HIVEP3: variants seen among roughly 807,000 people sequenced by gnomAD.
HIVEP3 encodes transcription factor HIVEP3.
In HIVEP3, 49 loss-of-function variants were observed where a neutral mutation model predicts 152.8. That is an observed-to-expected ratio of 0.32 (90% CI 0.26 to 0.41). The LOEUF (loss-of-function observed/expected upper bound fraction) is 0.41. Among genes scored for constraint, HIVEP3 ranks in the 10% least tolerant of loss-of-function variants. HIVEP3 has a pLI of 1.00. For synonymous variants in HIVEP3, 1,269 were observed against 1,289.0 expected (o/e 0.98, Z 0.33); for missense variants, 2,790 against 3,103.3 (o/e 0.90, Z 2.40).
intron 1 of HIVEP3, among the ~76,000 whole-genome samples, chr1:41,708,096 C>T (rs991737717): frequency 1.3e-5 from 2 of 152,110 alleles, no homozygotes; most frequent in African/African-American, 4.8e-5. Flanking sequence ...GCACAGGGAG[C>T]CTCTAGAAGG....
chr1:41,598,992 C>A (rs1260345251), intron 3 of HIVEP3, among the ~76,000 whole-genome samples: 2 of 151,712 alleles, frequency 1.3e-5, no homozygotes, highest in Non-Finnish European at 2.9e-5. Flanking sequence ...ATTTTTATAT[C>A]TTTTTTTAGA....
intron 1 of HIVEP3, among the ~76,000 whole-genome samples, chr1:41,758,453 G>A (rs926519900): frequency 9.2e-5 from 14 of 152,182 alleles, no homozygotes; most frequent in South Asian, 6.2e-4. Flanking sequence ...AGCCTTCCAC[G>A]CTTCAATGGA....
intron 1 of HIVEP3, among the ~76,000 whole-genome samples, chr1:41,860,568 C>A (rs1214809198): frequency 6.6e-6 from 1 of 152,182 alleles, no homozygotes; most frequent in Admixed American, 6.5e-5. Flanking sequence ...CACCTGGAGC[C>A]AGATAGCTCT....
chr1:41,802,481 G>C (rs1650365387), intron 1 of HIVEP3, among the ~76,000 whole-genome samples: 1 of 152,178 alleles, frequency 6.6e-6, no homozygotes, highest in Non-Finnish European at 1.5e-5. Flanking sequence ...CTCCTAAAAT[G>C]CTGGGATTAC....
chr1:41,777,835 T>G (rs1346022105), intron 1 of HIVEP3, among the ~76,000 whole-genome samples: 1 of 152,242 alleles, frequency 6.6e-6, no homozygotes, highest in East Asian at 1.9e-4. Flanking sequence ...CTCCTTGCCC[T>G]CTGGGAAGAG....
rs1237781011 is a variant in HIVEP3, at chr1:41,548,492, G to A, written c.5208-23582C>T. 2.6e-5 allele frequency among the ~76,000 whole-genome samples: 4 copies of A among 151,866 alleles called. No homozygotes were observed. In the East Asian group the frequency reaches 7.7e-4, roughly 29 times the overall value. Reference sequence around the variant, plus strand: ...TTTAAGCAACTCTTTTTAAAATTGTGGTAACAAATACACAACCTAAAATGT... The same window carrying A: ...TTTAAGCAACTCTTTTTAAAATTGTAGTAACAAATACACAACCTAAAATGT... On this transcript the variant is annotated intron_variant, in intron 5 of 8. Coordinates refer to ENST00000372583, the MANE Select transcript of HIVEP3 (RefSeq NM_024503.5).
At chr1:41,641,741 A>C (rs776217898) in intron 2 of HIVEP3, among the ~76,000 whole-genome samples, 2 of 152,232 alleles carry the variant, frequency 1.3e-5, no homozygotes, top group South Asian at 4.1e-4. Context: ...CTACGGCAAG[A>C]GGACCTGCAG....
At position 41,581,305 on chromosome 1, in the gene HIVEP3, T is replaced by C; in HGVS notation, c.3493A>G (p.Thr1165Ala). 6.2e-7 allele frequency: 1 copy of C among 1,612,504 alleles called. No individual in the cohort carries two copies. Among genetic ancestry groups the C allele is most frequent in the Non-Finnish European group, 8.5e-7 (1 of 1,179,384 alleles). The change falls in exon 4 of 9, where the codon ACC becomes GCC. Residue 1165 changes from threonine (T) to alanine (A), a missense_variant. Physicochemically the swap from Thr to Ala is moderately conservative, Grantham distance 58. Transcript: ENST00000372583. This position sits in a 1 kb window ranked among gnomAD's most constrained non-coding sequence, Gnocchi z 4.5. ...GACAGGAGGCTGGACATGGCCTGGG[T>C]GGAGAAGAATTCTGGAGACTGTCCT... ...EPGQSPEFFSTQAMSSLLSSP... is the reference protein window; with the variant it reads ...EPGQSPEFFSAQAMSSLLSSP...
At chr1:41,534,658 A>C (rs1643353996) in intron 5 of HIVEP3, among the ~76,000 whole-genome samples, 1 of 152,234 alleles carries the variant, frequency 6.6e-6, no homozygotes, top group African/African-American at 2.4e-5. Flanking sequence ...GCAGGTGCCC[A>C]ATACATATTC....
chr1:41,901,646 A>C (rs866449640), intron 1 of HIVEP3, among the ~76,000 whole-genome samples: 10 of 152,162 alleles, frequency 6.6e-5, no homozygotes, highest in South Asian at 2.1e-4. Flanking sequence ...AGAAAGACAA[A>C]GTTAGGACAA....
At chr1:42,021,692 G>T (rs1220737450) in intron 1 of HIVEP3, among the ~76,000 whole-genome samples, 1 of 152,148 alleles carries the variant, frequency 6.6e-6, no homozygotes, top group Non-Finnish European at 1.5e-5. Flanking sequence ...GAAGTCTAGG[G>T]CCTGAGACCT....
At chr1:41,571,876 A>G (rs760018867) in intron 5 of HIVEP3, among the ~76,000 whole-genome samples, 1 of 152,212 alleles carries the variant, frequency 6.6e-6, no homozygotes, top group African/African-American at 2.4e-5. Context: ...AGCATGACAC[A>G]GGCAGAATCA....
intron 1 of HIVEP3, among the ~76,000 whole-genome samples, chr1:41,713,952 A>G (rs1254587489): frequency 2.6e-5 from 4 of 152,200 alleles, no homozygotes; most frequent in African/African-American, 9.7e-5. Context: ...ACAGGCTGTC[A>G]GCTCCCCTTC....
intron 1 of HIVEP3, among the ~76,000 whole-genome samples, chr1:41,875,358 C>A (rs1644151960): frequency 6.6e-6 from 1 of 152,236 alleles, no homozygotes; most frequent in South Asian, 2.1e-4. Flanking sequence ...ATCCATCCTG[C>A]TCCTGGCCAC....
At chr1:41,745,672 T>G (rs1647060718) in intron 1 of HIVEP3, among the ~76,000 whole-genome samples, 1 of 152,202 alleles carries the variant, frequency 6.6e-6, no homozygotes, top group Non-Finnish European at 1.5e-5. Flanking sequence ...TGGGCCCCCT[T>G]TCCAGGCAGC....
rs1003849343 is a variant in HIVEP3 at position 41,506,866 on chromosome 1, T to C, written c.*3585A>G. 2.0e-5 allele frequency: 3 copies of C among 147,020 alleles called. No individual in the cohort carries two copies. Among genetic ancestry groups the C allele is most frequent in the Non-Finnish European group, 3.0e-5 (2 of 66,298 alleles). The allele number at this position is 147,020 out of a possible 1,614,324, so 9.1% of individuals were successfully genotyped here. On this transcript the variant is annotated 3_prime_UTR_variant, in exon 9 of 9. Coordinates refer to ENST00000372583, the MANE Select transcript of HIVEP3 (RefSeq NM_024503.5). ...TATTTATCTTACAGAGAGCATTGTA[T>C]TTTACATTTGCCTGCACGTTTCTTT...
chr1:41,552,168 C>T (rs1035505523), intron 5 of HIVEP3, among the ~76,000 whole-genome samples: 9 of 152,144 alleles, frequency 5.9e-5, no homozygotes, highest in Non-Finnish European at 1.2e-4. Flanking sequence ...GCAGGTTGTT[C>T]AATTTCCATG....
intron 2 of HIVEP3, among the ~76,000 whole-genome samples, chr1:41,699,892 T>C (rs1450250363): frequency 6.7e-6 from 1 of 149,718 alleles, no homozygotes; most frequent in Non-Finnish European, 1.5e-5. Context: ...GGACCCAGCC[T>C]GAGCTCCTGG....
intron 1 of HIVEP3, among the ~76,000 whole-genome samples, chr1:41,739,065 C>T (rs560653062): frequency 1.2e-4 from 19 of 152,316 alleles, no homozygotes; most frequent in Middle Eastern, 3.4e-3. Flanking sequence ...CTGCTTTTTG[C>T]GGAGGAAACA....
Sources: gnomAD v4.1 joint callset for allele counts (sites outside exome capture counted in the v4.1 genomes callset) on GRCh38, gnomAD v4.1.1 for gene constraint, Gnocchi (gnomAD v3.1) non-coding constraint, MANE v1.5 for transcripts, NCBI Gene and HGNC (gene_info 2026-07-23, HGNC 2026-07-21) for gene names.